The following ADGRG7 variants were observed in gnomAD, a reference collection of about 807,000 sequenced individuals.
ADGRG7 encodes adhesion G protein-coupled receptor G7.
A neutral mutation model predicts 88.6 loss-of-function variants in ADGRG7; 82 were observed. The ratio of observed to expected loss-of-function variants is 0.93; its 90% CI spans 0.77 to 1.11. The LOEUF (loss-of-function observed/expected upper bound fraction) is 1.11, where lower values mean the gene tolerates loss of function less well. ADGRG7 is among the 50% of genes most tolerant of loss of function. The probability of loss-of-function intolerance (pLI) is 0.00; values close to 1 mark genes in which losing one functional copy is unlikely to be tolerated. For missense variants in ADGRG7, 945 were observed against 953.4 expected, an observed-to-expected ratio of 0.99 and a Z score of 0.12; for synonymous variants, 381 against 345.2, an observed-to-expected ratio of 1.10 and a Z score of -1.15.
chr3:100,620,294 C>A (rs765716686), intron 1 of ADGRG7, among the ~76,000 whole-genome samples: 15 of 152,168 alleles, frequency 9.9e-5, no homozygotes, highest in Non-Finnish European at 2.1e-4. Context: ...ATAAACAGAA[C>A]CAATGACAAA....
chr3:100,682,132 C>G (rs1035624144), intron 15 of ADGRG7, among the ~76,000 whole-genome samples: 1 of 152,144 alleles, frequency 6.6e-6, no homozygotes, highest in Admixed American at 6.5e-5. Context: ...CAGGCAGTCC[C>G]CAGAGCCTGC....
chr3:100,631,123 T>TA (rs34613540), intron 3 of ADGRG7, among the ~76,000 whole-genome samples: 8 of 151,472 alleles, frequency 5.3e-5, no homozygotes, highest in African/African-American at 1.2e-4. Flanking sequence ...GTTATATAAT[T>TA]AAAAAAAAAG....
intron 1 of ADGRG7, among the ~76,000 whole-genome samples, chr3:100,617,489 G>A (rs1185100572): frequency 6.6e-6 from 1 of 151,384 alleles, no homozygotes; most frequent in Non-Finnish European, 1.5e-5. Context: ...TTGTCCTTGC[G>A]ATAGTTTGCT....
At chr3:100,682,369 C>T (rs1427419118) in intron 15 of ADGRG7, among the ~76,000 whole-genome samples, 1 of 152,138 alleles carries the variant, frequency 6.6e-6, no homozygotes, top group Admixed American at 6.5e-5. Context: ...TTCAGGGGAC[C>T]GGGGTGGGAA....
intron 11 of ADGRG7, among the ~76,000 whole-genome samples, chr3:100,651,101 A>G (rs1443358322): frequency 1.3e-5 from 2 of 152,198 alleles, no homozygotes; most frequent in Admixed American, 1.3e-4. Context: ...TCCCCTTTTC[A>G]CATTAAATGA....
At chr3:100,689,001 T>C (rs2094988255) in intron 15 of ADGRG7, among the ~76,000 whole-genome samples, 1 of 152,198 alleles carries the variant, frequency 6.6e-6, no homozygotes, top group African/African-American at 2.4e-5. Flanking sequence ...GTTATTATTG[T>C]GTGGGAGTCT....
intron 1 of ADGRG7, among the ~76,000 whole-genome samples, chr3:100,612,223 A>T (rs1177516151): frequency 6.6e-6 from 1 of 152,168 alleles, no homozygotes. Flanking sequence ...AAAATAAAAA[A>T]AAATTTCAAA....
At chr3:100,660,908 C>A (rs1219283930) in intron 14 of ADGRG7, among the ~76,000 whole-genome samples, 1 of 150,356 alleles carries the variant, frequency 6.7e-6, no homozygotes, top group Non-Finnish European at 1.5e-5. Context: ...GCTGAGATTG[C>A]ACCATTGCAC....
intron 12 of ADGRG7, 66 bp downstream of exon 12, chr3:100,655,247 T>A: frequency 1.7e-6 from 2 of 1,163,686 alleles, no homozygotes; most frequent in Non-Finnish European, 2.5e-6. Flanking sequence ...TTTAAACACT[T>A]ATTGAAGGCC....
chr3:100,659,687 G>T lies in ADGRG7; in HGVS notation c.1824-1G>T. 2 of 1,610,106 alleles carry T rather than the reference G, an allele frequency of 1.2e-6. No individual in the cohort carries two copies. Among genetic ancestry groups the T allele is most frequent in the Admixed American group, 1.7e-5 (1 of 59,160 alleles). The stretch of plus-strand genomic sequence containing the variant: ...GAAGCAATTTTTTTTTTCCTCCACA[G>T]CTGCTGGCTGGCAATTCCAGAACCC... On this transcript the variant is annotated splice_acceptor_variant, in intron 13 of 15. Transcript: ENST00000273352. LOFTEE classifies it high-confidence loss of function.
intron 1 of ADGRG7, among the ~76,000 whole-genome samples, chr3:100,611,923 A>G (rs1313307175): frequency 6.6e-6 from 1 of 152,150 alleles, no homozygotes; most frequent in Admixed American, 6.5e-5. Flanking sequence ...ATTGTTGAAT[A>G]TTCTTGCTTG....
chr3:100,642,779 T>C (rs1160165575), intron 6 of ADGRG7, among the ~76,000 whole-genome samples: 5 of 152,238 alleles, frequency 3.3e-5, no homozygotes, highest in Admixed American at 3.3e-4. Flanking sequence ...CTCAGAGCTC[T>C]GCTCTTTGGT....
intron 15 of ADGRG7, among the ~76,000 whole-genome samples, chr3:100,675,458 T>C (rs1190990642): frequency 6.6e-6 from 1 of 152,230 alleles, no homozygotes; most frequent in Non-Finnish European, 1.5e-5. Flanking sequence ...TTTGTCATGA[T>C]GAATGACCTT....
At chr3:100,645,201 A>T (rs898934422) in intron 8 of ADGRG7, among the ~76,000 whole-genome samples, 2 of 152,238 alleles carry the variant, frequency 1.3e-5, no homozygotes, top group Admixed American at 1.3e-4. Flanking sequence ...AGGTGTTAGG[A>T]GGCAGTCCTG....
At chr3:100,665,938 C>T (rs1246558765) in intron 14 of ADGRG7, among the ~76,000 whole-genome samples, 1 of 152,068 alleles carries the variant, frequency 6.6e-6, no homozygotes, top group African/African-American at 2.4e-5. Flanking sequence ...AACAAATTGC[C>T]CCAAAACTTA....
intron 3 of ADGRG7, among the ~76,000 whole-genome samples, chr3:100,631,661 C>G (rs2149017616): frequency 6.6e-6 from 1 of 152,252 alleles, no homozygotes; most frequent in South Asian, 2.1e-4. Flanking sequence ...AAAACTACTG[C>G]CGGCAATGGC....
rs375290436 is a variant in ADGRG7, at chr3:100,615,313, C to A, written c.115+5342C>A. On this transcript the variant is annotated intron_variant, in intron 1 of 15. Transcript: ENST00000273352. ...ACTTAATCTTTCTGAGTGTGACTTT[C>A]TTTAGGTAAAAATACAGTCTTAAAG... is the stretch of plus-strand genomic sequence containing the variant. Among the ~76,000 whole-genome samples, 58 of 152,236 alleles carry A rather than the reference C, an allele frequency of 3.8e-4. 2 individuals are homozygous for A. In the East Asian group the frequency reaches 4.6e-3, roughly 12 times the overall value.
chr3:100,669,098 C>T lies in ADGRG7; in HGVS notation c.2129C>T (p.Thr710Ile). ...AGCTACATATTCTGCCTTTTCAACA[C>T]TACACAGGTATGGTGCGGATTAGTC... ...VFSYIFCLFN[T>I]TQGLQIFILY... is the part of the protein sequence containing the mutation. Residue 710 changes from threonine (T) to isoleucine (I), a missense_variant, in exon 15 of 16, where the codon ACT (threonine) becomes ATT (isoleucine). Transcript: ENST00000273352. 2 of 1,584,336 alleles carry T rather than the reference C, an allele frequency of 1.3e-6. No homozygotes were observed. The highest frequency in any genetic ancestry group is 1.7e-6 in the Non-Finnish European group (2 of 1,166,654).
At chr3:100,663,161 G>A (rs1310733675) in intron 14 of ADGRG7, among the ~76,000 whole-genome samples, 2 of 151,912 alleles carry the variant, frequency 1.3e-5, no homozygotes. Flanking sequence ...ATGTACGGCA[G>A]GTCAATATTA....
Sources: gnomAD v4.1 joint callset for allele counts (sites outside exome capture counted in the v4.1 genomes callset) on GRCh38, gnomAD v4.1.1 for gene constraint, MANE v1.5 for transcripts, NCBI Gene and HGNC (gene_info 2026-07-23, HGNC 2026-07-21) for gene names.